Variants in DCUN1D4 observed in about 807,000 individuals in gnomAD.
DCUN1D4 encodes defective in cullin neddylation 1 domain containing 4, also known as DCN1-like protein 4.
Under a neutral mutation model 47.9 loss-of-function variants are expected in DCUN1D4, and 22 were observed. The observed-to-expected ratio is 0.46, with a 90% CI of 0.33 to 0.66. DCUN1D4 has a LOEUF of 0.66. DCUN1D4 is among the 30% of genes least tolerant of loss of function. DCUN1D4 has a pLI of 0.02. For synonymous variants in DCUN1D4, 121 were observed against 112.2 expected (o/e 1.08, Z -0.50); for missense variants, 301 against 340.8 (o/e 0.88, Z 0.92).
chr4:51,835,222 G>T, the DCUN1D4 span, among the ~76,000 whole-genome samples: 3 of 152,192 alleles, frequency 2.0e-5, no homozygotes, highest in African/African-American at 7.2e-5. Flanking sequence ...CATCTGCTAG[G>T]ATTTCATTCT....
intron 3 of DCUN1D4, among the ~76,000 whole-genome samples, chr4:51,864,626 CA>C (rs2109911577): frequency 6.6e-6 from 1 of 152,262 alleles, no homozygotes; most frequent in South Asian, 2.1e-4. Context: ...GCCTCTTGCT[CA>C]CTGCATCTTA....
chr4:51,866,437 A>G (rs1164999614), intron 3 of DCUN1D4, among the ~76,000 whole-genome samples: 1 of 151,962 alleles, frequency 6.6e-6, no homozygotes, highest in Non-Finnish European at 1.5e-5. Context: ...ACAAGTGTAC[A>G]TTTATATTTG....
At chr4:51,907,478 G>T (rs1424171597) in intron 8 of DCUN1D4, among the ~76,000 whole-genome samples, 1 of 152,160 alleles carries the variant, frequency 6.6e-6, no homozygotes, top group Non-Finnish European at 1.5e-5. Context: ...TGTTTTTCCT[G>T]TGGCCTCAAT....
chr4:51,869,123 C>CAAAAAAAA (rs531280197), intron 3 of DCUN1D4, among the ~76,000 whole-genome samples: 1 of 38,562 alleles, frequency 2.6e-5, no homozygotes, highest in Non-Finnish European at 5.0e-5. Context: ...GACTCCATCT[C>CAAAAAAAA]AAAAAAAAAA....
intron 6 of DCUN1D4, among the ~76,000 whole-genome samples, chr4:51,890,745 G>C (rs992989742): frequency 6.6e-6 from 1 of 152,200 alleles, no homozygotes; most frequent in Non-Finnish European, 1.5e-5. Flanking sequence ...CCTCAACCCT[G>C]TCCCTGTGTA....
At chr4:51,885,289 A>T (rs1336378532) in intron 5 of DCUN1D4, among the ~76,000 whole-genome samples, 2 of 152,192 alleles carry the variant, frequency 1.3e-5, no homozygotes, top group Admixed American at 6.5e-5. Flanking sequence ...TAAAGCCTTG[A>T]AAGAGCATGG....
At chr4:51,884,845 G>C (rs2110033246) in intron 5 of DCUN1D4, 1 of 152,562 alleles carries the variant, frequency 6.6e-6, no homozygotes, top group South Asian at 2.1e-4. Context: ...AGCCAGGGGA[G>C]TTGGGGGAAG....
chr4:51,845,093 T>C (rs745312579), intron 1 of DCUN1D4: 4 of 985,470 alleles, frequency 4.1e-6, no homozygotes, highest in Non-Finnish European at 1.2e-6. Context: ...TGCTTGGTCT[T>C]GTACCATCAT....
At chr4:51,851,398 G>C (rs918190660) in intron 1 of DCUN1D4, among the ~76,000 whole-genome samples, 1 of 152,196 alleles carries the variant, frequency 6.6e-6, no homozygotes, top group African/African-American at 2.4e-5. Context: ...GTGAAGAACA[G>C]GATGTGTATG....
rs551972520 is a variant in DCUN1D4 at position 51,863,298 on chromosome 4, G to T, written c.26-139G>T. On this transcript the variant is annotated intron_variant, in intron 1 of 10. Transcript: ENST00000334635. The stretch of plus-strand genomic sequence containing the variant: ...GACTATTTCTAGGAGGTCACTAATT[G>T]CATGTTTTTAAAAAACTTTAGTGTC... 67 of 691,906 alleles carry T rather than the reference G, an allele frequency of 9.7e-5. 1 individual carries two copies. The Admixed American group carries it at 1.6e-3, about 16-fold the overall frequency. The allele number at this position is 691,906 out of a possible 1,614,324, so 42.9% of individuals were successfully genotyped here.
intron 1 of DCUN1D4, among the ~76,000 whole-genome samples, chr4:51,860,164 A>G (rs539889004): frequency 6.6e-5 from 10 of 152,188 alleles, no homozygotes; most frequent in Admixed American, 2.0e-4. Flanking sequence ...TGTTGATGAG[A>G]CGAAAGAAAA....
chr4:51,843,753 GGGGGGCGC>G, intron 1 of DCUN1D4: 1 of 1,167,464 alleles, frequency 8.6e-7, no homozygotes. Flanking sequence ...GTGAGTGCGA[GGGGGGCGC>G]GGGGGCGGGG....
At chr4:51,842,918 C>A, upstream of DCUN1D4, 1 of 560,782 alleles carries the variant, frequency 1.8e-6, no homozygotes, top group Non-Finnish European at 2.6e-6. Context: ...CTGACAGCAG[C>A]CGGGCCCAAC....
chr4:51,881,314 A>G (rs1728574927), intron 5 of DCUN1D4, among the ~76,000 whole-genome samples: 1 of 152,214 alleles, frequency 6.6e-6, no homozygotes, highest in African/African-American at 2.4e-5. Context: ...CCCTTAGTCT[A>G]TTTTGGATTA....
chr4:51,861,829 GAGTTGAATGTTCAAGCTCCT>G (rs1342581287), intron 1 of DCUN1D4, among the ~76,000 whole-genome samples: 1 of 152,174 alleles, frequency 6.6e-6, no homozygotes, highest in Admixed American at 6.5e-5. Context: ...GGAGGTGCAA[GAGTTGAATGTTCAAGCTCCT>G]CAGCACCTCT....
upstream of DCUN1D4, among the ~76,000 whole-genome samples, chr4:51,841,745 A>G (rs1721668097): frequency 6.6e-6 from 1 of 152,076 alleles, no homozygotes; most frequent in Non-Finnish European, 1.5e-5. Context: ...GCCCCTTCCA[A>G]ATAGCATAAC....
chr4:51,863,972 C>T (rs919933401), intron 3 of DCUN1D4, among the ~76,000 whole-genome samples: 3 of 152,110 alleles, frequency 2.0e-5, no homozygotes, highest in African/African-American at 7.2e-5. Flanking sequence ...TTCTCTACTG[C>T]AGTATTTTCA....
intron 1 of DCUN1D4, chr4:51,843,533 G>A: frequency 7.8e-7 from 1 of 1,290,190 alleles, no homozygotes; most frequent in South Asian, 2.7e-5. Flanking sequence ...AGTGTTGGGG[G>A]AAGGGAGGGC....
At chr4:51,848,156 G>C in intron 1 of DCUN1D4, 1 of 1,268,428 alleles carries the variant, frequency 7.9e-7, no homozygotes, top group Non-Finnish European at 1.0e-6. Flanking sequence ...GCATTTTTTA[G>C]ACAAAGTCAG....
Sources: gnomAD v4.1 joint callset for allele counts (sites outside exome capture counted in the v4.1 genomes callset) on GRCh38, gnomAD v4.1.1 for gene constraint, MANE v1.5 for transcripts, NCBI Gene and HGNC (gene_info 2026-07-23, HGNC 2026-07-21) for gene names.